Variants in TMEM260 observed in about 807,000 individuals in gnomAD.
TMEM260 encodes transmembrane protein 260.
A neutral mutation model predicts 88.9 loss-of-function variants in TMEM260; 82 were observed. The observed-to-expected ratio is 0.92, with a 90% confidence interval of 0.77 to 1.11. The LOEUF is 1.11. Ranked by LOEUF, TMEM260 falls within the 50% of genes least tolerant of loss-of-function variation. TMEM260 has a pLI of 0.00. For missense variants in TMEM260, 902 were observed against 853.4 expected (o/e 1.06, Z -0.71); for synonymous variants, 314 against 309.3 (o/e 1.02, Z -0.16).
In TMEM260 at chr14:56,582,725, C is replaced by T. The variant is rs571710468; in HGVS notation, c.161-2276C>T. Reference sequence around the variant, plus strand: ...AGGTAGACACAACTGAGGAACCTTTCATGTAAAGGGTTGGGAGAAAGCCAA... The same window carrying T: ...AGGTAGACACAACTGAGGAACCTTTTATGTAAAGGGTTGGGAGAAAGCCAA... On this transcript the variant is annotated intron_variant, in intron 1 of 15. Transcript: ENST00000261556. 2.0e-5 allele frequency among the ~76,000 whole-genome samples: 3 copies of T among 152,240 alleles called. No individual in the cohort carries two copies. The East Asian group carries it at 5.8e-4, about 29-fold the overall frequency.
Position 56,630,423 on chromosome 14 carries a change from A to G in TMEM260, c.1548-2572A>G, listed in dbSNP as rs182366900. Among the ~76,000 whole-genome samples the G allele has an allele frequency of 1.2e-3, 176 of 151,974 alleles. 5 individuals carry two copies. The South Asian group carries it at 0.02, about 17-fold the overall frequency. On this transcript the variant is annotated intron_variant, in intron 12 of 15. Coordinates refer to ENST00000261556, the MANE Select transcript of TMEM260 (RefSeq NM_017799.4). ...TTTGGTATTGTCCCACAGATGCCTG[A>G]ACTCTTTGCTTTTTTTTCAGTGTTT...
intron 13 of TMEM260, among the ~76,000 whole-genome samples, chr14:56,633,841 C>T (rs964075902): frequency 6.6e-6 from 1 of 152,104 alleles, no homozygotes; most frequent in Non-Finnish European, 1.5e-5. Context: ...GCCTCCATTA[C>T]CTACTTTTAA....
At chr14:56,655,386 CAAA>C (rs113654913), downstream of TMEM260, among the ~76,000 whole-genome samples, 6 of 94,474 alleles carry the variant, frequency 6.4e-5, no homozygotes, top group African/African-American at 3.7e-5. Context: ...GACTCCATCT[CAAA>C]AAAAAAAAAA....
intron 11 of TMEM260, among the ~76,000 whole-genome samples, chr14:56,624,551 A>G (rs1888123927): frequency 6.6e-6 from 1 of 152,234 alleles, no homozygotes. Flanking sequence ...CCTGGGTGAC[A>G]GAGTGAGACT....
At chr14:56,606,580 T>A (rs1566543922) in intron 5 of TMEM260, among the ~76,000 whole-genome samples, 1 of 152,150 alleles carries the variant, frequency 6.6e-6, no homozygotes, top group Non-Finnish European at 1.5e-5. Context: ...TATAAAATTT[T>A]TACAATGTGA....
chr14:56,635,039 G>T (rs189414027), intron 14 of TMEM260, 87 bp downstream of exon 14: 1 of 1,120,688 alleles, frequency 8.9e-7, no homozygotes, highest in Non-Finnish European at 1.4e-6. Flanking sequence ...GAGAGTAGGG[G>T]TGAGTAGTGA....
intron 12 of TMEM260, among the ~76,000 whole-genome samples, chr14:56,627,799 C>T (rs1438550477): frequency 6.6e-6 from 1 of 152,140 alleles, no homozygotes; most frequent in Non-Finnish European, 1.5e-5. Flanking sequence ...GTGTGGTATA[C>T]AGTTCTATGA....
chr14:56,654,520 A>T (rs1458319261), downstream of TMEM260, among the ~76,000 whole-genome samples: 1 of 151,966 alleles, frequency 6.6e-6, no homozygotes, highest in African/African-American at 2.4e-5. Flanking sequence ...GCCACTTTTT[A>T]AAAAATATTG....
In TMEM260 at chr14:56,582,568, C is replaced by CG. The variant is rs201801141; in HGVS notation, c.161-2433_161-2432insG. Among the ~76,000 whole-genome samples, 946 of 152,258 alleles carry CG rather than the reference C, an allele frequency of 6.2e-3. 11 individuals are homozygous for CG. The highest frequency in any genetic ancestry group is 0.022 in the African/African-American group (911 of 41,552). On this transcript the variant is annotated intron_variant, in intron 1 of 15. Coordinates refer to ENST00000261556, the MANE Select transcript of TMEM260 (RefSeq NM_017799.4). ...TATTGCAGACAACAAAGCCGTGGTT[C>CG]TCAGACAGGAACGTACTTCAGAATT...
At position 56,622,950 on chromosome 14, in the gene TMEM260, A is replaced by G. The variant is rs147345329; in HGVS notation, c.1398+1248A>G. Among the ~76,000 whole-genome samples the G allele has an allele frequency of 4.1e-3, 625 of 152,288 alleles. 3 individuals carry two copies. The highest frequency in any genetic ancestry group is 4.9e-3 in the Non-Finnish European group (331 of 68,014). On this transcript the variant is annotated intron_variant, in intron 11 of 15. Transcript: ENST00000261556. ...TCTGACAAAAGCTATGTTATTTGTT[A>G]ATAACATGGTTCCACACTATGATTT...
intron 5 of TMEM260, among the ~76,000 whole-genome samples, chr14:56,606,895 C>CA (rs1186682792): frequency 1.3e-5 from 2 of 151,822 alleles, no homozygotes; most frequent in Admixed American, 1.3e-4. Flanking sequence ...ACTCCGTCTC[C>CA]AAAAAAATAA....
chr14:56,634,709 G>A lies in TMEM260; in HGVS notation c.1725-190G>A, dbSNP rs375461146. Among the ~76,000 whole-genome samples, 9 of 152,202 alleles carry A rather than the reference G, an allele frequency of 5.9e-5. No individual in the cohort carries two copies. The East Asian group carries it at 1.7e-3, about 30-fold the overall frequency. ...ATACAAAAATGAGCTGGGTGTGGTTGTGGGTGCCTGTAAACCCAGCTACTT... is the reference window on the plus strand; with the variant it reads ...ATACAAAAATGAGCTGGGTGTGGTTATGGGTGCCTGTAAACCCAGCTACTT... On this transcript the variant is annotated intron_variant, in intron 13 of 15. Coordinates refer to ENST00000261556, the MANE Select transcript of TMEM260 (RefSeq NM_017799.4).
chr14:56,607,047 A>T (rs1008777640), intron 5 of TMEM260, among the ~76,000 whole-genome samples: 1 of 152,234 alleles, frequency 6.6e-6, no homozygotes, highest in East Asian at 1.9e-4. Flanking sequence ...TGTCTTTAAC[A>T]GTGGTTTTAT....
At chr14:56,659,773 G>T in the TMEM260 span, among the ~76,000 whole-genome samples, 1 of 152,226 alleles carries the variant, frequency 6.6e-6, no homozygotes, top group African/African-American at 2.4e-5. Flanking sequence ...TCAGGTTTTT[G>T]TAGCTTCATT....
Position 56,605,585 on chromosome 14 carries a change from G to A in TMEM260, c.538G>A (p.Ala180Thr). 1.3e-6 allele frequency: 2 copies of A among 1,521,384 alleles called. No individual in the cohort carries two copies. Among genetic ancestry groups the A allele is most frequent in the Non-Finnish European group, 8.8e-7 (1 of 1,134,978 alleles). 94.2% of individuals were successfully genotyped at this position (1,521,384 alleles called of 1,614,324 possible). A position where few individuals can be genotyped will look rare whatever the true frequency, so the allele number is the denominator to read the frequency against. ...TTATTTTCAGGTAGCTAAAATTGGT[G>A]CTTTCTGCTGTGGCCTTAGTTTATG... Reference protein sequence around the residue: ...KERSKVAKIGAFCCGLSLCNQ... With the variant: ...KERSKVAKIGTFCCGLSLCNQ... Residue 180 changes from alanine (A) to threonine (T), a missense_variant, in exon 5 of 16, where the codon GCT becomes ACT. Physicochemically the swap from Ala to Thr is moderately conservative, Grantham distance 58. Transcript: ENST00000261556.
chr14:56,585,037 GTA>G lies in TMEM260; in HGVS notation c.192+7_192+8del. 8.1e-6 allele frequency: 13 copies of G among 1,610,822 alleles called. No individual in the cohort carries two copies. The highest frequency in any genetic ancestry group is 1.1e-5 in the Non-Finnish European group (13 of 1,178,422). Reference sequence around the variant, plus strand: ...ACAGCCGCACATGAGCTTGGAGTAAGTATTAGTTTTATTGTTTAATCAATGCT... The same window carrying G: ...ACAGCCGCACATGAGCTTGGAGTAAGTTAGTTTTATTGTTTAATCAATGCT... On this transcript the variant is annotated splice_donor_region_variant and intron_variant, in intron 2 of 15. Transcript: ENST00000261556.
intron 15 of TMEM260, among the ~76,000 whole-genome samples, chr14:56,640,276 C>G (rs368449556): frequency 1.3e-5 from 2 of 152,126 alleles, no homozygotes; most frequent in African/African-American, 4.8e-5. Flanking sequence ...CTCACACAGC[C>G]GGGTACTCCT....
At chr14:56,649,970 G>A (rs1890169982), downstream of TMEM260, 3 of 359,334 alleles carry the variant, frequency 8.3e-6, no homozygotes, top group South Asian at 6.4e-5. Flanking sequence ...AGGGATGTTG[G>A]GCTTCATTCC....
chr14:56,586,572 A>T (rs1277883061), intron 3 of TMEM260, among the ~76,000 whole-genome samples: 1 of 152,110 alleles, frequency 6.6e-6, no homozygotes, highest in Non-Finnish European at 1.5e-5. Context: ...TTCATTCTTA[A>T]CTCAGTGCAT....
Sources: gnomAD v4.1 joint callset for allele counts (sites outside exome capture counted in the v4.1 genomes callset) on GRCh38, gnomAD v4.1.1 for gene constraint, MANE v1.5 for transcripts, NCBI Gene and HGNC (gene_info 2026-07-23, HGNC 2026-07-21) for gene names.